The following INPP5A variants were observed in gnomAD, a reference collection of about 807,000 sequenced individuals.
The protein encoded by INPP5A is 43 kDa inositol polyphosphate 5-phophatase.
Under a neutral mutation model 65.2 loss-of-function variants are expected in INPP5A, and 14 were observed. The ratio of observed to expected loss-of-function variants is 0.21; its 90% confidence interval spans 0.14 to 0.34. INPP5A has a LOEUF of 0.34. Ranked by LOEUF, INPP5A falls within the 10% of genes least tolerant of loss-of-function variation. The probability of loss-of-function intolerance (pLI) is 1.00; values close to 1 mark genes in which losing one functional copy is unlikely to be tolerated. For missense variants in INPP5A, 431 were observed against 545.6 expected (o/e 0.79, Z 2.09); for synonymous variants, 207 against 208.3 (o/e 0.99, Z 0.05).
chr10:132,630,471 G>C (rs1434473315), intron 2 of INPP5A, among the ~76,000 whole-genome samples: 1 of 152,086 alleles, frequency 6.6e-6, no homozygotes, highest in Non-Finnish European at 1.5e-5. Context: ...CAAGCTCTAG[G>C]GAAAGGCATA....
rs1293330222 is a variant in INPP5A, at chr10:132,726,916, G to T, written c.732+11G>T. The T allele has an allele frequency of 7.5e-6, 12 of 1,595,616 alleles. No homozygotes were observed. The highest frequency in any genetic ancestry group is 9.4e-6 in the Non-Finnish European group (11 of 1,165,456). ...AAGTCCGTCGTGGAGGTAGGCGCTG[G>T]CTTCCCTCCCGCCCTGGTCTCATGC... is the stretch of plus-strand genomic sequence containing the variant. On this transcript the variant is annotated intron_variant, in intron 9 of 15. Transcript: ENST00000368594.
chr10:132,774,794 A>G (rs943597179), intron 12 of INPP5A, among the ~76,000 whole-genome samples: 15 of 148,974 alleles, frequency 1.0e-4, no homozygotes, highest in Non-Finnish European at 1.6e-4. Context: ...CGCATCCTAC[A>G]GGGAGGAGAG....
At chr10:132,689,481 T>C (rs1484875231) in intron 4 of INPP5A, among the ~76,000 whole-genome samples, 1 of 152,230 alleles carries the variant, frequency 6.6e-6, no homozygotes, top group Non-Finnish European at 1.5e-5. Flanking sequence ...GATTAATGTA[T>C]AGATGGTGAG....
chr10:132,589,637 ACC>A (rs1260672071), intron 1 of INPP5A, among the ~76,000 whole-genome samples: 1 of 152,144 alleles, frequency 6.6e-6, no homozygotes, highest in Non-Finnish European at 1.5e-5. Flanking sequence ...GTGTCCCAGA[ACC>A]CCGAGTGCTC....
intron 2 of INPP5A, among the ~76,000 whole-genome samples, chr10:132,632,712 G>A (rs1590881951): frequency 6.6e-6 from 1 of 152,170 alleles, no homozygotes; most frequent in South Asian, 2.1e-4. Context: ...ATATAAACCT[G>A]TAATAAAGTA....
intron 11 of INPP5A, among the ~76,000 whole-genome samples, chr10:132,764,725 C>T (rs1846804613): frequency 8.0e-6 from 1 of 125,500 alleles, no homozygotes; most frequent in Non-Finnish European, 1.6e-5. Context: ...TGTGTGGTGA[C>T]ACTCAGGAAC....
chr10:132,752,875 T>C (rs969340147), intron 11 of INPP5A, among the ~76,000 whole-genome samples: 1 of 152,074 alleles, frequency 6.6e-6, no homozygotes, highest in East Asian at 1.9e-4. Flanking sequence ...AAAATTAATC[T>C]GAATATTTGA....
intron 5 of INPP5A, among the ~76,000 whole-genome samples, chr10:132,693,086 T>C: frequency 6.6e-6 from 1 of 150,962 alleles, no homozygotes; most frequent in East Asian, 1.9e-4. Flanking sequence ...GAATATAGTA[T>C]TATTTAAAAG....
intron 1 of INPP5A, among the ~76,000 whole-genome samples, chr10:132,588,621 G>C (rs1395270688): frequency 6.6e-6 from 1 of 152,248 alleles, no homozygotes; most frequent in Admixed American, 6.5e-5. Context: ...CGCCCACCCT[G>C]TGTCCCCAGG....
chr10:132,719,434 T>A (rs1845816902), intron 8 of INPP5A, among the ~76,000 whole-genome samples: 1 of 148,916 alleles, frequency 6.7e-6, no homozygotes, highest in Non-Finnish European at 1.5e-5. Context: ...GTCTTCAGGG[T>A]TCTGTGGTAC....
intron 11 of INPP5A, among the ~76,000 whole-genome samples, chr10:132,763,892 T>C (rs1846783123): frequency 6.6e-6 from 1 of 152,258 alleles, no homozygotes; most frequent in South Asian, 2.1e-4. Context: ...CATGCCTGTG[T>C]ACACATAAAC....
At chr10:132,750,907 C>A (rs531691107) in intron 11 of INPP5A, among the ~76,000 whole-genome samples, 2 of 152,314 alleles carry the variant, frequency 1.3e-5, no homozygotes, top group Non-Finnish European at 2.9e-5. Context: ...ACTGCAGCCG[C>A]GTTCACATCC....
At chr10:132,743,388 CAGCAGGGACCAGGCCCGGGAG>C in intron 9 of INPP5A, among the ~76,000 whole-genome samples, 1 of 141,278 alleles carries the variant, frequency 7.1e-6, no homozygotes, top group South Asian at 2.4e-4. Flanking sequence ...CACTCAGCCC[CAGCAGGGACCAGGCCCGGGAG>C]TGAGGGCGAG....
At chr10:132,701,620 G>A (rs1242693676) in intron 6 of INPP5A, among the ~76,000 whole-genome samples, 2 of 152,266 alleles carry the variant, frequency 1.3e-5, no homozygotes, top group African/African-American at 4.8e-5. Context: ...GCCCTGCTCT[G>A]GAGGACAGTG....
chr10:132,709,306 G>A (rs1436050930), intron 7 of INPP5A, among the ~76,000 whole-genome samples: 1 of 98,644 alleles, frequency 1.0e-5, no homozygotes, highest in Non-Finnish European at 2.1e-5. Flanking sequence ...GGGGATGGGG[G>A]AAGGAGGGGG....
chr10:132,569,796 A>G (rs1263673894), intron 1 of INPP5A, among the ~76,000 whole-genome samples: 79 of 130,364 alleles, frequency 6.1e-4, no homozygotes, highest in Middle Eastern at 5.4e-3. Context: ...GAGCCACCGC[A>G]CTGGGCCCCC....
Position 132,616,446 on chromosome 10 carries a change from CATG to C in INPP5A, c.117+8491_117+8493del, listed in dbSNP as rs1483246642. Among the ~76,000 whole-genome samples, 7 of 151,996 alleles carry C rather than the reference CATG, an allele frequency of 4.6e-5. No homozygotes were observed. In the East Asian group the frequency reaches 1.4e-3, roughly 30 times the overall value. Reference sequence around the variant, plus strand: ...GGTGTGGGATATGTGGTATTGGGAACATGGTGGTGACGCAGGATGTGGTGGTGG... The same window carrying C: ...GGTGTGGGATATGTGGTATTGGGAACGTGGTGACGCAGGATGTGGTGGTGG... On this transcript the variant is annotated intron_variant, in intron 2 of 15. Transcript: ENST00000368594. The surrounding 1 kb of genome is among the most constrained non-coding windows in gnomAD (Gnocchi z 4.9).
At chr10:132,661,340 C>G (rs1272657298) in intron 4 of INPP5A, among the ~76,000 whole-genome samples, 9 of 152,158 alleles carry the variant, frequency 5.9e-5, no homozygotes, top group Non-Finnish European at 7.3e-5. Context: ...TTGATTATGT[C>G]TTCAGAATCT....
intron 10 of INPP5A, 73 bp from the exon 11 acceptor site, chr10:132,749,698 G>C (rs1479210657): frequency 1.3e-6 from 2 of 1,597,130 alleles, no homozygotes; most frequent in African/African-American, 1.3e-5. Flanking sequence ...TGCCTGCCCG[G>C]TTCGGTGGGG....
Sources: gnomAD v4.1 joint callset for allele counts (sites outside exome capture counted in the v4.1 genomes callset) on GRCh38, gnomAD v4.1.1 for gene constraint, Gnocchi (gnomAD v3.1) non-coding constraint, MANE v1.5 for transcripts, NCBI Gene and HGNC (gene_info 2026-07-23, HGNC 2026-07-21) for gene names.